STARD13: variants seen among roughly 807,000 people sequenced by gnomAD.
STARD13 encodes the protein stAR-related lipid transfer protein 13.
Under a neutral mutation model 106.4 loss-of-function variants are expected in STARD13, and 62 were observed. The observed-to-expected ratio is 0.58, with a 90% CI of 0.48 to 0.72. STARD13 has a LOEUF of 0.72. Among genes scored for constraint, STARD13 ranks in the 30% least tolerant of loss-of-function variants. The pLI is 0.00. For missense variants in STARD13, 1,387 were observed against 1,424.0 expected (o/e 0.97, Z 0.42); for synonymous variants, 565 against 553.0 (o/e 1.02, Z -0.31).
the STARD13 span, among the ~76,000 whole-genome samples, chr13:33,611,694 A>G: frequency 6.6e-6 from 1 of 152,230 alleles, no homozygotes; most frequent in East Asian, 1.9e-4. Flanking sequence ...CAGGTCATTT[A>G]TTCAAAAGGA....
chr13:33,128,279 G>A (rs1877548509), intron 5 of STARD13, among the ~76,000 whole-genome samples: 1 of 152,092 alleles, frequency 6.6e-6, no homozygotes, highest in South Asian at 2.1e-4. Context: ...TCTTCCATGT[G>A]TCTACACTCT....
At chr13:33,201,387 TC>T (rs1459588569) in intron 1 of STARD13, among the ~76,000 whole-genome samples, 46 of 152,332 alleles carry the variant, frequency 3.0e-4, no homozygotes, top group African/African-American at 1.1e-3. Context: ...TTTCCGGTAT[TC>T]CTGTGGTTTA....
the STARD13 span, among the ~76,000 whole-genome samples, chr13:33,554,860 T>C: frequency 1.3e-5 from 2 of 152,120 alleles, no homozygotes; most frequent in African/African-American, 4.8e-5. Flanking sequence ...GGATCAAAAT[T>C]ATGTGTAATT....
At chr13:33,547,580 T>G in the STARD13 span, among the ~76,000 whole-genome samples, 3 of 152,256 alleles carry the variant, frequency 2.0e-5, no homozygotes, top group East Asian at 5.8e-4. Flanking sequence ...TATAGAAAAC[T>G]GAGACAACAT....
At chr13:33,186,787 A>T (rs909557282) in intron 1 of STARD13, among the ~76,000 whole-genome samples, 1 of 152,152 alleles carries the variant, frequency 6.6e-6, no homozygotes, top group Non-Finnish European at 1.5e-5. Flanking sequence ...AACAAAAAAA[A>T]CCCTTGTTTA....
chr13:33,474,896 T>C, the STARD13 span, among the ~76,000 whole-genome samples: 1,330 of 152,302 alleles, frequency 8.7e-3, 21 homozygotes, highest in African/African-American at 0.03. Flanking sequence ...TAGGTAAACA[T>C]CTAATATTTA....
chr13:33,648,237 C>T, the STARD13 span, among the ~76,000 whole-genome samples: 2 of 152,182 alleles, frequency 1.3e-5, no homozygotes, highest in Non-Finnish European at 2.9e-5. Context: ...AATATGATTT[C>T]TATTTTCCTG....
the STARD13 span, among the ~76,000 whole-genome samples, chr13:33,510,442 G>T: frequency 6.6e-6 from 1 of 152,122 alleles, no homozygotes; most frequent in Non-Finnish European, 1.5e-5. Flanking sequence ...AGCTCTTTAG[G>T]AGCTTTTTCC....
At chr13:33,310,572 C>A (rs994479009) in intron 1 of STARD13, among the ~76,000 whole-genome samples, 1 of 152,076 alleles carries the variant, frequency 6.6e-6, no homozygotes, top group Non-Finnish European at 1.5e-5. Flanking sequence ...TGAATGTGGG[C>A]ATTCATGAAA....
the STARD13 span, among the ~76,000 whole-genome samples, chr13:33,616,559 G>A: frequency 1.3e-5 from 2 of 152,198 alleles, no homozygotes; most frequent in Non-Finnish European, 2.9e-5. Flanking sequence ...TTTCAGCCAT[G>A]GTGGGGACAA....
chr13:33,496,881 T>G, the STARD13 span, among the ~76,000 whole-genome samples: 1 of 152,166 alleles, frequency 6.6e-6, no homozygotes, highest in East Asian at 1.9e-4. Context: ...GTTTCGTTTC[T>G]GGATAAATTT....
the STARD13 span, among the ~76,000 whole-genome samples, chr13:33,418,417 G>A: frequency 6.6e-6 from 1 of 152,202 alleles, no homozygotes. Flanking sequence ...GGCTTAAGTA[G>A]GTAAACAAAG....
intron 1 of STARD13, among the ~76,000 whole-genome samples, chr13:33,325,984 A>C (rs113172262): frequency 0.016 from 38 of 2,322 alleles, 1 homozygote; most frequent in African/African-American, 0.023. Context: ...GACTCCGTTT[A>C]AAAAAAAAAA....
chr13:33,110,923 C>A lies in STARD13; in HGVS notation c.2608-16G>T, dbSNP rs746736391. The A allele has an allele frequency of 6.2e-7, 1 of 1,601,046 alleles. No individual in the cohort carries two copies. The highest frequency in any genetic ancestry group is 1.7e-5 in the Admixed American group (1 of 60,016). On this transcript the variant is annotated splice_polypyrimidine_tract_variant and intron_variant, in intron 10 of 13. Transcript: ENST00000336934. Reference sequence around the variant, plus strand: ...CGTGTGGAACCTAGACCAACGGATGCATGAAAGGGCAACACACTGAGCCAA... The same window carrying A: ...CGTGTGGAACCTAGACCAACGGATGAATGAAAGGGCAACACACTGAGCCAA...
chr13:33,349,795 G>A (rs575435585), intron 1 of STARD13, among the ~76,000 whole-genome samples: 2 of 152,162 alleles, frequency 1.3e-5, no homozygotes, highest in East Asian at 1.9e-4. Flanking sequence ...CTCTACCCCC[G>A]AGTGGCTGGT....
At chr13:33,672,107 G>T in the STARD13 span, among the ~76,000 whole-genome samples, 185 of 152,216 alleles carry the variant, frequency 1.2e-3, no homozygotes, top group African/African-American at 4.3e-3. Context: ...TCAAAGACTT[G>T]GAACCAACCC....
the STARD13 span, among the ~76,000 whole-genome samples, chr13:33,449,416 T>A: frequency 1.9e-4 from 29 of 152,154 alleles, no homozygotes; most frequent in Non-Finnish European, 4.0e-4. Context: ...TGGCTGTAGA[T>A]CCATGGATTT....
Position 33,109,922 on chromosome 13 carries a change from C to T in STARD13, c.2998G>A (p.Val1000Met), listed in dbSNP as rs370096979. Residue 1000 changes from valine to methionine, a missense_variant, in exon 12 of 14, where the codon GTG (valine) becomes ATG (methionine). Val to Met is a conservative substitution (Grantham distance 21). Transcript: ENST00000336934. ...GGATGGGGAGCCATGCTGTTCAGCACATACTGGTAGATCTCTGTTTGCCTG... is the reference window on the plus strand; with the variant it reads ...GGATGGGGAGCCATGCTGTTCAGCATATACTGGTAGATCTCTGTTTGCCTG... ...LDRQTEIYQY[V>M]LNSMAPHPSR... 3.0e-5 allele frequency: 48 copies of T among 1,614,150 alleles called. No individual in the cohort carries two copies. The Admixed American group carries it at 3.5e-4, about 12-fold the overall frequency.
At chr13:33,518,027 C>CAAT in the STARD13 span, among the ~76,000 whole-genome samples, 9,366 of 151,870 alleles carry the variant, frequency 0.062, 349 homozygotes, top group East Asian at 0.14. Flanking sequence ...ACAACAACAA[C>CAAT]AACAACAACA....
Sources: allele counts gnomAD v4.1 joint callset (sites outside exome capture counted in the v4.1 genomes callset), GRCh38; gene constraint gnomAD v4.1.1; transcripts MANE v1.5; gene names NCBI Gene and HGNC (gene_info 2026-07-23, HGNC 2026-07-21).